The following PAWR variants were observed in gnomAD, a reference collection of about 807,000 sequenced individuals.
The protein encoded by PAWR is PRKC apoptosis WT1 regulator protein.
In PAWR, 23 loss-of-function variants were observed where a neutral mutation model predicts 32.0. The ratio of observed to expected loss-of-function variants is 0.72; its 90% CI spans 0.52 to 1.02. The LOEUF is 1.02. Among genes scored for constraint, PAWR ranks in the 50% least tolerant of loss-of-function variants. PAWR has a pLI of 0.00. For missense variants in PAWR, 457 were observed against 437.7 expected (o/e 1.04, Z -0.39); for synonymous variants, 226 against 187.1 (o/e 1.21, Z -1.70).
intron 2 of PAWR, among the ~76,000 whole-genome samples, chr12:79,674,303 A>G (rs1001620302): frequency 2.0e-5 from 3 of 152,162 alleles, no homozygotes; most frequent in Admixed American, 6.5e-5. Context: ...CAAAGGAGAA[A>G]GGACTCCTTA....
intron 4 of PAWR, among the ~76,000 whole-genome samples, chr12:79,600,268 TAA>T (rs1873908152): frequency 6.6e-6 from 1 of 152,218 alleles, no homozygotes; most frequent in South Asian, 2.1e-4. Context: ...AAAAGTCCAG[TAA>T]AGTTTGTTTT....
Position 79,591,735 on chromosome 12 carries a change from GAAT to G in PAWR, c.*869_*871del. 6.6e-6 allele frequency: 1 copy of G among 152,132 alleles called. No individual in the cohort carries two copies. The highest frequency in any genetic ancestry group is 1.9e-4 in the East Asian group (1 of 5,184). 9.4% of individuals were successfully genotyped at this position (152,132 alleles called of 1,614,324 possible). ...TGTTTTGTATGAATGTTTTAAGTAT[GAAT>G]AATATTTTGGTTTTTAGTGTGCATG... On this transcript the variant is annotated 3_prime_UTR_variant, in exon 7 of 7. Coordinates refer to ENST00000328827, the MANE Select transcript of PAWR (RefSeq NM_002583.4).
intron 2 of PAWR, among the ~76,000 whole-genome samples, chr12:79,688,796 T>C (rs1047351850): frequency 6.6e-6 from 1 of 152,162 alleles, no homozygotes; most frequent in Non-Finnish European, 1.5e-5. Context: ...AAACAGTCAA[T>C]GAGAAAAAGA....
chr12:79,622,249 A>G (rs1875057045), intron 2 of PAWR, among the ~76,000 whole-genome samples: 2 of 152,284 alleles, frequency 1.3e-5, no homozygotes, highest in South Asian at 4.1e-4. Context: ...TGATAAAGAC[A>G]AGGTCTACAA....
intron 2 of PAWR, among the ~76,000 whole-genome samples, chr12:79,638,790 G>GGTGTGTGTGTGT (rs34039182): frequency 9.5e-5 from 10 of 105,274 alleles, no homozygotes; most frequent in African/African-American, 3.0e-4. Flanking sequence ...TTATATTTGG[G>GGTGTGTGTGTGT]GTGTGTGTGT....
At chr12:79,622,960 C>A (rs1421218073) in intron 2 of PAWR, among the ~76,000 whole-genome samples, 1 of 152,070 alleles carries the variant, frequency 6.6e-6, no homozygotes, top group African/African-American at 2.4e-5. Flanking sequence ...TAATAGATAA[C>A]CCAAGAAGTT....
chr12:79,650,928 T>C (rs542164841), intron 2 of PAWR, among the ~76,000 whole-genome samples: 5 of 152,322 alleles, frequency 3.3e-5, no homozygotes, highest in African/African-American at 9.6e-5. Flanking sequence ...ATGTTCAATT[T>C]GCAAGTTACC....
intron 2 of PAWR, among the ~76,000 whole-genome samples, chr12:79,629,484 AAAC>A (rs1455118790): frequency 6.6e-6 from 1 of 152,124 alleles, no homozygotes; most frequent in Non-Finnish European, 1.5e-5. Context: ...AGATCAAATG[AAAC>A]AAAAAGAACT....
Position 79,632,330 on chromosome 12 carries a change from TATATATATATATATATATATATA to T in PAWR, c.517-11146_517-11124del, listed in dbSNP as rs1566010946. 6.4e-5 allele frequency among the ~76,000 whole-genome samples: 3 copies of T among 46,544 alleles called. No individual in the cohort carries two copies. The African/African-American group carries it at 9.0e-4, about 14-fold the overall frequency. 30.5% of individuals were successfully genotyped at this position (46,544 alleles called of 152,430 possible). ...ATACATACATATATATATATATATA[TATATATATATATATATATATATA>T]TATATATATTTTTTTTTTTTTTTAG... is the stretch of plus-strand genomic sequence containing the variant. On this transcript the variant is annotated intron_variant, in intron 2 of 6. Transcript: ENST00000328827.
chr12:79,654,649 T>C (rs1208344787), intron 2 of PAWR, among the ~76,000 whole-genome samples: 2 of 152,180 alleles, frequency 1.3e-5, no homozygotes, highest in East Asian at 3.8e-4. Flanking sequence ...TGACTCACAG[T>C]TCCACATGGC....
intron 4 of PAWR, among the ~76,000 whole-genome samples, chr12:79,611,618 T>C (rs1481740251): frequency 1.3e-5 from 2 of 152,066 alleles, no homozygotes; most frequent in Admixed American, 1.3e-4. Flanking sequence ...TAAGTTTTTG[T>C]CTTTTTTTCT....
chr12:79,684,501 C>T (rs1055603845), intron 2 of PAWR, among the ~76,000 whole-genome samples: 2 of 151,968 alleles, frequency 1.3e-5, no homozygotes, highest in African/African-American at 4.8e-5. Flanking sequence ...GTCCCAGCTA[C>T]TTGGGAGACT....
chr12:79,639,886 C>CT (rs137876550), intron 2 of PAWR, among the ~76,000 whole-genome samples: 2,169 of 79,214 alleles, frequency 0.027, 36 homozygotes, highest in Non-Finnish European at 0.04. Flanking sequence ...ATTCCTATTC[C>CT]ATTCCATTCC....
intron 4 of PAWR, chr12:79,604,353 G>A: frequency 1.0e-6 from 1 of 1,004,578 alleles, no homozygotes; most frequent in Non-Finnish European, 1.2e-6. Context: ...CCCCCTCTGG[G>A]AATTTTCGCA....
chr12:79,648,495 T>C (rs1456315880), intron 2 of PAWR, among the ~76,000 whole-genome samples: 1 of 151,840 alleles, frequency 6.6e-6, no homozygotes, highest in Non-Finnish European at 1.5e-5. Flanking sequence ...TAAACTTCTA[T>C]AATGTGTATT....
intron 2 of PAWR, among the ~76,000 whole-genome samples, chr12:79,635,327 A>T (rs751665746): frequency 6.6e-6 from 1 of 152,088 alleles, no homozygotes; most frequent in Non-Finnish European, 1.5e-5. Flanking sequence ...CATAATACCT[A>T]AAAGGTATTA....
At chr12:79,614,057 C>T (rs1228131630) in intron 3 of PAWR, among the ~76,000 whole-genome samples, 2 of 115,296 alleles carry the variant, frequency 1.7e-5, no homozygotes, top group Non-Finnish European at 3.4e-5. Context: ...GTTGCCCAGG[C>T]TACAGTGCAA....
intron 2 of PAWR, among the ~76,000 whole-genome samples, chr12:79,641,249 C>T (rs960897200): frequency 2.0e-5 from 3 of 152,170 alleles, no homozygotes; most frequent in African/African-American, 7.2e-5. Flanking sequence ...ACCTACGTGA[C>T]AGCCATTGTT....
Position 79,585,259 on chromosome 12 carries a change from T to C in PAWR, c.*7348A>G, listed in dbSNP as rs1592482759. 2.7e-6 allele frequency: 1 copy of C among 374,130 alleles called. No homozygotes were observed. Among genetic ancestry groups the C allele is most frequent in the Non-Finnish European group, 5.1e-6 (1 of 194,308 alleles). The allele number at this position is 374,130 out of a possible 1,614,324, so 23.2% of individuals were successfully genotyped here. ...TTAAAAATAGAAATGCATACTGCAG[T>C]GGCTCAAAAACTTAGGCCTGCATCA... On this transcript the variant is annotated 3_prime_UTR_variant, in exon 7 of 7. Transcript: ENST00000328827.
Sources: gnomAD v4.1 joint callset for allele counts (sites outside exome capture counted in the v4.1 genomes callset) on GRCh38, gnomAD v4.1.1 for gene constraint, MANE v1.5 for transcripts, NCBI Gene and HGNC (gene_info 2026-07-23, HGNC 2026-07-21) for gene names.